ETV6: variants seen among roughly 807,000 people sequenced by gnomAD.
ETV6 encodes the protein ETS variant transcription factor 6, also known as transcription factor ETV6.
A neutral mutation model predicts 51.1 loss-of-function variants in ETV6; 16 were observed. The ratio of observed to expected loss-of-function variants is 0.31; its 90% CI spans 0.21 to 0.48. ETV6 has a LOEUF of 0.48. Ranked by LOEUF, ETV6 falls within the 20% of genes least tolerant of loss-of-function variation. The pLI is 0.99. For synonymous variants in ETV6, 240 were observed against 224.1 expected (o/e 1.07, Z -0.64); for missense variants, 458 against 594.8 (o/e 0.77, Z 2.39).
At chr12:11,708,569 C>G (rs1010740424) in intron 1 of ETV6, among the ~76,000 whole-genome samples, 1 of 152,190 alleles carries the variant, frequency 6.6e-6, no homozygotes, top group Non-Finnish European at 1.5e-5. Context: ...CTTCTACAAG[C>G]CTTGCTGTGT....
At chr12:11,653,643 C>T (rs1295922831) in intron 1 of ETV6, among the ~76,000 whole-genome samples, 1 of 151,950 alleles carries the variant, frequency 6.6e-6, no homozygotes, top group African/African-American at 2.4e-5. Flanking sequence ...GGAGGCCAGC[C>T]CCCTTTCCTC....
chr12:11,708,664 C>T (rs770256669), intron 1 of ETV6, among the ~76,000 whole-genome samples: 2 of 152,186 alleles, frequency 1.3e-5, no homozygotes, highest in Non-Finnish European at 2.9e-5. Flanking sequence ...TATATGTACC[C>T]TGCCTCGCTT....
chr12:11,747,459 C>T (rs1227065004), intron 1 of ETV6, among the ~76,000 whole-genome samples: 1 of 152,064 alleles, frequency 6.6e-6, no homozygotes, highest in Non-Finnish European at 1.5e-5. Flanking sequence ...GTGGATTTTG[C>T]TACATCAAAA....
intron 2 of ETV6, among the ~76,000 whole-genome samples, chr12:11,804,683 T>A (rs116472637): frequency 1.1e-3 from 163 of 152,366 alleles, no homozygotes; most frequent in African/African-American, 3.8e-3. Flanking sequence ...ACCTTTATCC[T>A]GCACTATTTT....
At position 11,689,375 on chromosome 12, in the gene ETV6, C is replaced by T. The variant is rs1164167727; in HGVS notation, c.33+39215C>T. 4.6e-5 allele frequency among the ~76,000 whole-genome samples: 7 copies of T among 152,170 alleles called. No individual in the cohort carries two copies. The South Asian group carries it at 8.3e-4, about 18-fold the overall frequency. On this transcript the variant is annotated intron_variant, in intron 1 of 7. Transcript: ENST00000396373. The stretch of plus-strand genomic sequence containing the variant: ...TGGGGCTCAGACCTGACCACTGCTT[C>T]TCTAGGCGTCGTTTGAATATTTAAA...
intron 1 of ETV6, among the ~76,000 whole-genome samples, chr12:11,707,922 A>G (rs1865102851): frequency 2.6e-5 from 4 of 152,188 alleles, no homozygotes; most frequent in African/African-American, 7.2e-5. Flanking sequence ...GTCTCCTCCT[A>G]TCTTATGGCA....
intron 1 of ETV6, among the ~76,000 whole-genome samples, chr12:11,720,737 TTAAAC>T (rs1361523567): frequency 6.6e-6 from 1 of 152,146 alleles, no homozygotes; most frequent in Non-Finnish European, 1.5e-5. Flanking sequence ...TGGGAACTAA[TTAAAC>T]TAAAGAGCTT....
Position 11,893,697 on chromosome 12 carries a change from A to G in ETV6, c.*2651A>G, listed in dbSNP as rs561763156. On this transcript the variant is annotated 3_prime_UTR_variant, in exon 8 of 8. Transcript: ENST00000396373. ...TTTTATATAGAAAATGATTTCAAAT[A>G]TCATAAAATTACCTTCAGGCTATGT... is the stretch of plus-strand genomic sequence containing the variant. The G allele has an allele frequency of 1.4e-5, 3 of 221,410 alleles. No homozygotes were observed. The South Asian group carries it at 5.5e-4, about 41-fold the overall frequency. 13.7% of individuals were successfully genotyped at this position (221,410 alleles called of 1,614,324 possible). A position where few individuals can be genotyped will look rare whatever the true frequency, so the allele number is the denominator to read the frequency against.
chr12:11,689,050 T>C (rs1864693083), intron 1 of ETV6, among the ~76,000 whole-genome samples: 1 of 149,490 alleles, frequency 6.7e-6, no homozygotes, highest in Admixed American at 6.8e-5. Flanking sequence ...ACAAAGAAAA[T>C]ATGTGATTAG....
chr12:11,818,400 T>G (rs934841557), intron 2 of ETV6, among the ~76,000 whole-genome samples: 1 of 152,056 alleles, frequency 6.6e-6, no homozygotes, highest in African/African-American at 2.4e-5. Context: ...TGGTGATGCA[T>G]GCGTGTAATC....
chr12:11,770,531 G>C (rs1945228182), intron 2 of ETV6, among the ~76,000 whole-genome samples: 1 of 152,184 alleles, frequency 6.6e-6, no homozygotes, highest in East Asian at 1.9e-4. Context: ...CTGACAGAGA[G>C]GGTCATATCT....
chr12:11,781,589 A>G (rs924898483), intron 2 of ETV6, among the ~76,000 whole-genome samples: 2 of 152,232 alleles, frequency 1.3e-5, no homozygotes, highest in African/African-American at 2.4e-5. Flanking sequence ...ATGGATAGGC[A>G]GTTATTTTAT....
Position 11,761,151 on chromosome 12 carries a change from G to A in ETV6, c.163+8572G>A, listed in dbSNP as rs535092899. 3.6e-3 allele frequency among the ~76,000 whole-genome samples: 547 copies of A among 152,202 alleles called. 2 individuals are homozygous for A. The highest frequency in any genetic ancestry group is 7.3e-3 in the Admixed American group (111 of 15,288). ...ACCCTATTACTCTTTAAAAGTCTGA[G>A]GAGCAAATGAAAGTTGTTTCATTCT... On this transcript the variant is annotated intron_variant, in intron 2 of 7. Coordinates refer to ENST00000396373, the MANE Select transcript of ETV6 (RefSeq NM_001987.5).
At chr12:11,792,510 A>C (rs2136389115) in intron 2 of ETV6, among the ~76,000 whole-genome samples, 1 of 152,068 alleles carries the variant, frequency 6.6e-6, no homozygotes, top group Non-Finnish European at 1.5e-5. Context: ...AACATGGTGA[A>C]ACCCTGTCTC....
At chr12:11,825,832 C>CTTTTTTTTTT (rs1565540721) in intron 2 of ETV6, 1 of 145,604 alleles carries the variant, frequency 6.9e-6, no homozygotes, top group Non-Finnish European at 1.5e-5. Context: ...AGAAAGCATG[C>CTTTTTTTTTT]CTTTTTTTTT....
intron 2 of ETV6, among the ~76,000 whole-genome samples, chr12:11,783,803 T>C (rs180872187): frequency 6.2e-4 from 94 of 152,350 alleles, no homozygotes; most frequent in African/African-American, 2.1e-3. Flanking sequence ...TCATAACTTG[T>C]GGAAACTCCC....
intron 1 of ETV6, among the ~76,000 whole-genome samples, chr12:11,676,548 C>T (rs1054572591): frequency 6.6e-6 from 1 of 152,200 alleles, no homozygotes; most frequent in Non-Finnish European, 1.5e-5. Context: ...ATGCCACTCC[C>T]TGAAACACTC....
intron 1 of ETV6, among the ~76,000 whole-genome samples, chr12:11,693,230 A>G (rs1478812374): frequency 1.3e-5 from 2 of 152,100 alleles, no homozygotes; most frequent in Non-Finnish European, 2.9e-5. Context: ...AGTTAAAGGC[A>G]TGGGAGAACA....
rs766325503 is a variant in ETV6, at chr12:11,894,308, T to C, written c.*3262T>C. 1.7e-5 allele frequency: 4 copies of C among 232,842 alleles called. No individual in the cohort carries two copies. The highest frequency in any genetic ancestry group is 3.4e-5 in the Non-Finnish European group (4 of 117,864). The allele number at this position is 232,842 out of a possible 1,614,324, so 14.4% of individuals were successfully genotyped here. On this transcript the variant is annotated 3_prime_UTR_variant, in exon 8 of 8. Coordinates refer to ENST00000396373, the MANE Select transcript of ETV6 (RefSeq NM_001987.5). ...TGATGGATGTGCATTCTCACTTGGGTCTTGAAGTTCTCATTCCTACATCTC... is the reference window on the plus strand; with the variant it reads ...TGATGGATGTGCATTCTCACTTGGGCCTTGAAGTTCTCATTCCTACATCTC...
Sources: allele counts gnomAD v4.1 joint callset (sites outside exome capture counted in the v4.1 genomes callset), GRCh38; gene constraint gnomAD v4.1.1; transcripts MANE v1.5; gene names NCBI Gene and HGNC (gene_info 2026-07-23, HGNC 2026-07-21).